The following PRKN variants were observed in gnomAD, a reference collection of about 807,000 sequenced individuals.
PRKN encodes E3 ubiquitin-protein ligase parkin.
Under a neutral mutation model 59.5 loss-of-function variants are expected in PRKN, and 56 were observed. That is an observed-to-expected ratio of 0.94 (90% confidence interval 0.76 to 1.18). The LOEUF (loss-of-function observed/expected upper bound fraction) is 1.18. PRKN is among the 50% of genes most tolerant of loss of function. The pLI is 0.00. For missense variants in PRKN, 657 were observed against 596.4 expected (o/e 1.10, Z -1.06); for synonymous variants, 250 against 222.1 (o/e 1.13, Z -1.12).
At chr6:161,611,383 C>T (rs1782483734) in intron 7 of PRKN, among the ~76,000 whole-genome samples, 1 of 152,174 alleles carries the variant, frequency 6.6e-6, no homozygotes, top group South Asian at 2.1e-4. Context: ...TTATGGCAAC[C>T]CTGCATCGAG....
chr6:161,660,242 C>A (rs531755343), intron 7 of PRKN, among the ~76,000 whole-genome samples: 17 of 152,234 alleles, frequency 1.1e-4, no homozygotes, highest in African/African-American at 3.4e-4. Flanking sequence ...TGAGCTGAAG[C>A]AGGAGAATCA....
chr6:162,051,323 A>G (rs1225913171), intron 5 of PRKN, among the ~76,000 whole-genome samples: 1 of 152,138 alleles, frequency 6.6e-6, no homozygotes, highest in East Asian at 1.9e-4. Context: ...CCGAATGCTC[A>G]CACTGGAGAG....
At chr6:161,392,226 A>G in intron 9 of PRKN, among the ~76,000 whole-genome samples, 1 of 149,778 alleles carries the variant, frequency 6.7e-6, no homozygotes, top group East Asian at 2.0e-4. Flanking sequence ...GTGAACCACC[A>G]ATACAAAAAT....
At chr6:161,714,457 G>GAA (rs1786887282) in intron 7 of PRKN, among the ~76,000 whole-genome samples, 2 of 152,146 alleles carry the variant, frequency 1.3e-5, no homozygotes, top group Non-Finnish European at 2.9e-5. Flanking sequence ...AGGTGTCATC[G>GAA]TGCAAGCAGA....
At chr6:161,892,066 G>A (rs1795363319) in intron 6 of PRKN, among the ~76,000 whole-genome samples, 1 of 152,158 alleles carries the variant, frequency 6.6e-6, no homozygotes, top group South Asian at 2.1e-4. Flanking sequence ...ATTTTTTGAA[G>A]TTTGCAATCA....
chr6:162,449,787 G>A (rs1004727525), intron 1 of PRKN, among the ~76,000 whole-genome samples: 8 of 152,050 alleles, frequency 5.3e-5, no homozygotes, highest in South Asian at 2.1e-4. Flanking sequence ...AAATGCTATC[G>A]GATCAACCCT....
intron 6 of PRKN, among the ~76,000 whole-genome samples, chr6:161,820,983 T>C (rs1446887970): frequency 1.3e-5 from 2 of 151,972 alleles, no homozygotes; most frequent in East Asian, 1.9e-4. Context: ...TACTATCTTA[T>C]GAATATAATA....
At chr6:162,638,592 C>G (rs907686723) in intron 1 of PRKN, among the ~76,000 whole-genome samples, 1 of 152,148 alleles carries the variant, frequency 6.6e-6, no homozygotes, top group South Asian at 2.1e-4. Flanking sequence ...GCCAAGTCAT[C>G]TAAAACACGC....
In PRKN at chr6:161,526,644, C is replaced by T. The variant is rs978816575; in HGVS notation, c.1083+22210G>A. Among the ~76,000 whole-genome samples the T allele has an allele frequency of 6.6e-6, 1 of 151,332 alleles. No individual in the cohort carries two copies. Among genetic ancestry groups the T allele is most frequent in the Non-Finnish European group, 1.5e-5 (1 of 67,852 alleles). On this transcript the variant is annotated intron_variant, in intron 9 of 11. Transcript: ENST00000366898. This position sits in a 1 kb window ranked among gnomAD's most constrained non-coding sequence, Gnocchi z 4.1. The stretch of plus-strand genomic sequence containing the variant: ...GCATCAGTAATTGCTACATGAGGAG[C>T]AAACCCTCTGATATAATTTTACATT...
rs1790270557 is a variant in PRKN at position 161,462,560 on chromosome 6, A to G, written c.1084-75683T>C. Among the ~76,000 whole-genome samples, 1 of 152,216 alleles carries G rather than the reference A, an allele frequency of 6.6e-6. No homozygotes were observed. Among genetic ancestry groups the G allele is most frequent in the Non-Finnish European group, 1.5e-5 (1 of 68,046 alleles). ...ATATTCTCTGAAGTGAAATGACACC[A>G]TGATGTCTGATCAGCAATATAGCTC... On this transcript the variant is annotated intron_variant, in intron 9 of 11. Coordinates refer to ENST00000366898, the MANE Select transcript of PRKN (RefSeq NM_004562.3). The surrounding 1 kb of genome is among the most constrained non-coding windows in gnomAD (Gnocchi z 4.5).
chr6:162,010,451 AATGT>A (rs200649049), intron 5 of PRKN, among the ~76,000 whole-genome samples: 9,636 of 66,934 alleles, frequency 0.14, 2,725 homozygotes, highest in African/African-American at 0.2. Context: ...TATGATATAT[AATGT>A]ATTTATAATA....
intron 3 of PRKN, among the ~76,000 whole-genome samples, chr6:162,256,807 C>G (rs1044154378): frequency 6.6e-6 from 1 of 152,272 alleles, no homozygotes; most frequent in Non-Finnish European, 1.5e-5. Context: ...TGCAATGTCT[C>G]CCTTCCCCTT....
chr6:161,862,160 C>T lies in PRKN; in HGVS notation c.735-76252G>A, dbSNP rs62438260. On this transcript the variant is annotated intron_variant, in intron 6 of 11. Transcript: ENST00000366898. Reference sequence around the variant, plus strand: ...AAGAGCCTTAATTTATCTGCAAAGACGCTTTTTCCACATATGGTCATATTC... The same window carrying T: ...AAGAGCCTTAATTTATCTGCAAAGATGCTTTTTCCACATATGGTCATATTC... Among the ~76,000 whole-genome samples, 61 of 152,184 alleles carry T rather than the reference C, an allele frequency of 4.0e-4. No individual in the cohort carries two copies. The East Asian group carries it at 9.1e-3, about 23-fold the overall frequency.
chr6:162,046,380 G>A (rs1220360791), intron 5 of PRKN, among the ~76,000 whole-genome samples: 2 of 152,172 alleles, frequency 1.3e-5, no homozygotes, highest in African/African-American at 4.8e-5. Flanking sequence ...ACAGAAGATC[G>A]CAGATCATCA....
chr6:162,534,990 T>C (rs1778659482), intron 1 of PRKN, among the ~76,000 whole-genome samples: 2 of 143,614 alleles, frequency 1.4e-5, no homozygotes, highest in African/African-American at 5.3e-5. Context: ...TTCTCTTCCT[T>C]CCCCAGTCCT....
chr6:161,710,255 C>A (rs1174734039), intron 7 of PRKN, among the ~76,000 whole-genome samples: 1 of 152,142 alleles, frequency 6.6e-6, no homozygotes, highest in African/African-American at 2.4e-5. Flanking sequence ...TAGATGGTCC[C>A]TGACTTACTA....
chr6:162,197,197 C>A (rs899528092), intron 4 of PRKN, among the ~76,000 whole-genome samples: 163 of 152,286 alleles, frequency 1.1e-3, no homozygotes, highest in African/African-American at 3.5e-3. Context: ...ATTATTCACA[C>A]AGCAATCTTT....
At chr6:162,556,401 G>GTGTGTGTGTGTGTGTGTGTGTGTGTGTC (rs776385523) in intron 1 of PRKN, among the ~76,000 whole-genome samples, 7 of 131,244 alleles carry the variant, frequency 5.3e-5, no homozygotes, top group East Asian at 2.4e-4. Flanking sequence ...GTGTGTGTGT[G>GTGTGTGTGTGTGTGTGTGTGTGTGTGTC]TGTCAGTTTG....
chr6:162,636,509 T>G (rs2128223561), intron 1 of PRKN, among the ~76,000 whole-genome samples: 1 of 152,308 alleles, frequency 6.6e-6, no homozygotes, highest in African/African-American at 2.4e-5. Flanking sequence ...GTTAAGGGCA[T>G]CTTAATGGAA....
Sources: gnomAD v4.1 joint callset for allele counts (sites outside exome capture counted in the v4.1 genomes callset) on GRCh38, gnomAD v4.1.1 for gene constraint, Gnocchi (gnomAD v3.1) non-coding constraint, MANE v1.5 for transcripts, NCBI Gene and HGNC (gene_info 2026-07-23, HGNC 2026-07-21) for gene names.